TEX36: variants seen among roughly 807,000 people sequenced by gnomAD.
TEX36 encodes testis expressed 36.
TEX36 carries 12 observed loss-of-function variants against 13.6 expected under a neutral mutation model. The ratio of observed to expected loss-of-function variants is 0.88; its 90% CI spans 0.56 to 1.43. TEX36 has a LOEUF of 1.43. Ranked by LOEUF, TEX36 falls within the 40% of genes most tolerant of loss-of-function variation. TEX36 has a pLI of 0.00. For synonymous variants in TEX36, 93 were observed against 83.0 expected, an observed-to-expected ratio of 1.12 and a Z score of -0.65; for missense variants, 224 against 228.3, an observed-to-expected ratio of 0.98 and a Z score of 0.12.
chr10:125,642,110 G>A (rs1027634291), intron 3 of TEX36, among the ~76,000 whole-genome samples: 2 of 152,182 alleles, frequency 1.3e-5, no homozygotes, highest in African/African-American at 2.4e-5. Context: ...GTTAGAGACT[G>A]TTGGTGTTTG....
chr10:125,622,785 A>T (rs1589759242), intron 3 of TEX36, among the ~76,000 whole-genome samples: 1 of 152,194 alleles, frequency 6.6e-6, no homozygotes, highest in Non-Finnish European at 1.5e-5. Context: ...TCATCTTGAT[A>T]GTCCAGGTCA....
chr10:125,583,748 A>G (rs1422633288), intron 3 of TEX36, among the ~76,000 whole-genome samples: 3 of 152,238 alleles, frequency 2.0e-5, no homozygotes, highest in African/African-American at 7.2e-5. Flanking sequence ...AAATAATTAT[A>G]TAAGTGTTAG....
chr10:125,647,066 CAAAT>C (rs1391316169), intron 3 of TEX36, among the ~76,000 whole-genome samples: 1 of 152,160 alleles, frequency 6.6e-6, no homozygotes, highest in African/African-American at 2.4e-5. Flanking sequence ...TACCTCATAA[CAAAT>C]AGAGTTTGTC....
chr10:125,649,778 C>G (rs1846825395), intron 3 of TEX36, among the ~76,000 whole-genome samples: 1 of 151,984 alleles, frequency 6.6e-6, no homozygotes, highest in South Asian at 2.1e-4. Flanking sequence ...CATGCATAGG[C>G]TCAAAACAAA....
At chr10:125,628,379 T>C (rs1846512277) in intron 3 of TEX36, among the ~76,000 whole-genome samples, 1 of 152,222 alleles carries the variant, frequency 6.6e-6, no homozygotes, top group Non-Finnish European at 1.5e-5. Context: ...GCCTCTGGTG[T>C]GGGTTTGTGG....
At chr10:125,602,103 C>T (rs1846156779) in intron 3 of TEX36, among the ~76,000 whole-genome samples, 1 of 152,134 alleles carries the variant, frequency 6.6e-6, no homozygotes, top group Admixed American at 6.5e-5. Flanking sequence ...AGCCACCGCC[C>T]CTCTCTGTGC....
chr10:125,594,210 C>A (rs1846054644), intron 3 of TEX36, among the ~76,000 whole-genome samples: 1 of 152,140 alleles, frequency 6.6e-6, no homozygotes, highest in African/African-American at 2.4e-5. Flanking sequence ...GTATAGTAGC[C>A]AACTGTCTTC....
chr10:125,644,705 G>A (rs1016849435), intron 3 of TEX36, among the ~76,000 whole-genome samples: 3 of 152,130 alleles, frequency 2.0e-5, no homozygotes, highest in Non-Finnish European at 4.4e-5. Flanking sequence ...CCTTGAGTGT[G>A]GCAGAACCTG....
At chr10:125,622,326 G>T (rs964396088) in intron 3 of TEX36, among the ~76,000 whole-genome samples, 12 of 152,142 alleles carry the variant, frequency 7.9e-5, no homozygotes, top group Admixed American at 2.0e-4. Context: ...AAAAAGAAAA[G>T]AAATAAAATG....
At chr10:125,650,065 A>T (rs1203534074) in intron 3 of TEX36, among the ~76,000 whole-genome samples, 1 of 152,200 alleles carries the variant, frequency 6.6e-6, no homozygotes, top group Non-Finnish European at 1.5e-5. Flanking sequence ...GTAACACCCC[A>T]CTGTCAACAT....
intron 3 of TEX36, among the ~76,000 whole-genome samples, chr10:125,638,794 G>T: frequency 6.6e-6 from 1 of 152,200 alleles, no homozygotes; most frequent in East Asian, 1.9e-4. Flanking sequence ...CCGTGTGCAG[G>T]TCACTGCACT....
intron 1 of TEX36, among the ~76,000 whole-genome samples, chr10:125,677,745 G>A (rs566372251): frequency 6.6e-5 from 10 of 152,050 alleles, no homozygotes; most frequent in Admixed American, 3.9e-4. Flanking sequence ...GCAGTGGTGC[G>A]ATCTTGGCTC....
intron 3 of TEX36, among the ~76,000 whole-genome samples, chr10:125,660,094 G>A (rs1399384807): frequency 6.6e-6 from 1 of 152,092 alleles, no homozygotes; most frequent in Non-Finnish European, 1.5e-5. Flanking sequence ...CATGTTGAAT[G>A]GGCAATTTGG....
Position 125,599,415 on chromosome 10 carries a change from T to G in TEX36, c.265-22541A>C, listed in dbSNP as rs946492363. ...TGCATATGTGTGTGTGTTTCCTCTT[T>G]ACTTCACTCTCTTTATTGACGTTCA... On this transcript the variant is annotated intron_variant, in intron 3 of 3. Coordinates refer to the TEX36 transcript ENST00000532135. Among the ~76,000 whole-genome samples the G allele has an allele frequency of 4.6e-5, 7 of 152,344 alleles. No individual in the cohort carries two copies. The South Asian group carries it at 6.2e-4, about 14-fold the overall frequency.
chr10:125,580,630 A>C (rs1845870839), intron 3 of TEX36, among the ~76,000 whole-genome samples: 1 of 152,180 alleles, frequency 6.6e-6, no homozygotes, highest in Non-Finnish European at 1.5e-5. Context: ...CCAAGGGCCC[A>C]CATTACTGAA....
At chr10:125,586,426 A>T (rs558236743) in intron 3 of TEX36, among the ~76,000 whole-genome samples, 1 of 152,198 alleles carries the variant, frequency 6.6e-6, no homozygotes, top group Admixed American at 6.5e-5. Context: ...ATTTTATTTT[A>T]TCTTTTTGAC....
At position 125,655,787 on chromosome 10, in the gene TEX36, T is replaced by C. The variant is rs1461852989; in HGVS notation, c.*113A>G. On this transcript the variant is annotated 3_prime_UTR_variant, in exon 4 of 4. Transcript: ENST00000368821. ...TGAATGTTTTTTGACCTTATAAAAA[T>C]CATAAAAGTACTTTAAAAATTAAAT... 2 of 1,349,008 alleles carry C rather than the reference T, an allele frequency of 1.5e-6. No individual in the cohort carries two copies. The highest frequency in any genetic ancestry group is 1.9e-6 in the Non-Finnish European group (2 of 1,049,064). 83.6% of individuals were successfully genotyped at this position (1,349,008 alleles called of 1,614,324 possible). A position where few individuals can be genotyped will look rare whatever the true frequency, so the allele number is the denominator to read the frequency against.
At chr10:125,682,777 A>G (rs549039525) in intron 1 of TEX36, among the ~76,000 whole-genome samples, 162 bp downstream of exon 1, 1 of 152,354 alleles carries the variant, frequency 6.6e-6, no homozygotes, top group South Asian at 2.1e-4. Context: ...AGAGTGTTAG[A>G]GGATTCCCAT....
At chr10:125,609,436 C>T (rs1457816714) in intron 3 of TEX36, among the ~76,000 whole-genome samples, 1 of 152,206 alleles carries the variant, frequency 6.6e-6, no homozygotes, top group Non-Finnish European at 1.5e-5. Flanking sequence ...CAACTGCATT[C>T]AGCTGTGGCC....
Sources: gnomAD v4.1 joint callset for allele counts (sites outside exome capture counted in the v4.1 genomes callset) on GRCh38, gnomAD v4.1.1 for gene constraint, MANE v1.5 for transcripts, NCBI Gene and HGNC (gene_info 2026-07-23, HGNC 2026-07-21) for gene names.